Variants in MARK4 observed in about 807,000 individuals in gnomAD.
The protein encoded by MARK4 is microtubule affinity regulating kinase 4, also known as MAP/microtubule affinity-regulating kinase 4.
Under a neutral mutation model 81.5 loss-of-function variants are expected in MARK4, and 19 were observed. The observed-to-expected ratio is 0.23, with a 90% CI of 0.16 to 0.34. MARK4 has a LOEUF of 0.34. Ranked by LOEUF, MARK4 falls within the 10% of genes least tolerant of loss-of-function variation. The pLI, the probability that MARK4 is intolerant of heterozygous loss-of-function variation, is 1.00. For synonymous variants in MARK4, 436 were observed against 439.0 expected, an observed-to-expected ratio of 0.99 and a Z score of 0.08; for missense variants, 772 against 1,058.8, an observed-to-expected ratio of 0.73 and a Z score of 3.76.
chr19:45,273,975 C>T (rs779596231), intron 8 of MARK4, among the ~76,000 whole-genome samples: 3 of 152,230 alleles, frequency 2.0e-5, no homozygotes, highest in African/African-American at 7.2e-5. Context: ...GTGGGCCGGG[C>T]GTGGTGGCTC....
intron 1 of MARK4, among the ~76,000 whole-genome samples, chr19:45,254,666 G>T (rs1970285301): frequency 6.6e-6 from 1 of 152,230 alleles, no homozygotes. Context: ...TGAGGGCACG[G>T]CAGGCAGTGG....
In MARK4 at chr19:45,301,557, C is replaced by CAAAAAAAAAA. The variant is rs10630193; in HGVS notation, c.1923-804_1923-795dup. ...GGGCGACAAGAGCGAAACTCTGTCT[C>CAAAAAAAAAA]AAAAAAAAAAAAAAAAAAAAAAGCC... On this transcript the variant is annotated intron_variant, in intron 16 of 16. Coordinates refer to ENST00000262891, the MANE Select transcript of MARK4 (RefSeq NM_001199867.2). Among the ~76,000 whole-genome samples the CAAAAAAAAAA allele has an allele frequency of 2.4e-4, 12 of 49,514 alleles. 1 individual carries two copies. The highest frequency in any genetic ancestry group is 2.7e-4 in the Non-Finnish European group (8 of 29,420). 32.5% of individuals were successfully genotyped at this position (49,514 alleles called of 152,430 possible).
chr19:45,275,976 C>G (rs984316969), intron 8 of MARK4, among the ~76,000 whole-genome samples: 1 of 152,142 alleles, frequency 6.6e-6, no homozygotes, highest in African/African-American at 2.4e-5. Context: ...GAGTCCTGTT[C>G]ACCCCCAACG....
At position 45,271,699 on chromosome 19, in the gene MARK4, C is replaced by T; in HGVS notation, c.777C>T (p.His259=). The change falls in exon 8 of 17, where the codon CAC becomes CAT. Residue 259 remains histidine, a synonymous_variant. Transcript: ENST00000262891. This position sits in a 1 kb window ranked among gnomAD's most constrained non-coding sequence, Gnocchi z 4.1. ...GCGGCTCCCTGCCCTTCGACGGGCA[C>T]AACCTCAAGGTACCGAGAGGGGCTG... ...LVSGSLPFDG[H]NLKELRERVL... is the part of the protein sequence containing the mutation. The T allele has an allele frequency of 6.2e-7, 1 of 1,613,980 alleles. No individual in the cohort carries two copies. Among genetic ancestry groups the T allele is most frequent in the Non-Finnish European group, 8.5e-7 (1 of 1,179,908 alleles).
intron 7 of MARK4, among the ~76,000 whole-genome samples, chr19:45,266,540 A>G (rs138861665): frequency 2.6e-5 from 4 of 152,026 alleles, no homozygotes; most frequent in Non-Finnish European, 4.4e-5. Flanking sequence ...AAGTGTCCCA[A>G]AATGGCCCTG....
intron 13 of MARK4, among the ~76,000 whole-genome samples, chr19:45,289,690 A>G (rs1970796612): frequency 6.6e-6 from 1 of 151,944 alleles, no homozygotes; most frequent in South Asian, 2.1e-4. Flanking sequence ...GAATTGCTTG[A>G]ACCCAGGAGG....
At chr19:45,261,779 C>A (rs964829292) in intron 2 of MARK4, among the ~76,000 whole-genome samples, 1 of 151,936 alleles carries the variant, frequency 6.6e-6, no homozygotes. Context: ...ACTAAAAATA[C>A]AAAATTAGCC....
chr19:45,292,159 T>A (rs1970828214), intron 13 of MARK4, among the ~76,000 whole-genome samples: 1 of 152,002 alleles, frequency 6.6e-6, no homozygotes, highest in Non-Finnish European at 1.5e-5. Flanking sequence ...GAGGCAGAGC[T>A]GGACATGGTG....
At chr19:45,294,723 T>C (rs1351805408) in intron 14 of MARK4, among the ~76,000 whole-genome samples, 1 of 152,156 alleles carries the variant, frequency 6.6e-6, no homozygotes, top group East Asian at 1.9e-4. Flanking sequence ...ATGATCCATT[T>C]TTAGAACTCG....
rs77646982 is a variant in MARK4, at chr19:45,296,534, C to T, written c.1599-1142C>T. 6.7e-3 allele frequency among the ~76,000 whole-genome samples: 1,019 copies of T among 152,326 alleles called. 14 individuals are homozygous for T. Among genetic ancestry groups the T allele is most frequent in the African/African-American group, 0.022 (931 of 41,570 alleles). ...GTACAGAGCACTTCTGCTTATATCC[C>T]ATTGGCCGGAGCATGGTCACATAAC... On this transcript the variant is annotated intron_variant, in intron 14 of 16. Coordinates refer to ENST00000262891, the MANE Select transcript of MARK4 (RefSeq NM_001199867.2).
chr19:45,273,963 C>G (rs1362593726), intron 8 of MARK4, among the ~76,000 whole-genome samples: 2 of 152,206 alleles, frequency 1.3e-5, no homozygotes, highest in Non-Finnish European at 2.9e-5. Context: ...GGTACCAACC[C>G]TGTGGGCCGG....
intron 16 of MARK4, among the ~76,000 whole-genome samples, chr19:45,300,195 A>G (rs1208410350): frequency 6.6e-6 from 1 of 152,062 alleles, no homozygotes; most frequent in Non-Finnish European, 1.5e-5. Flanking sequence ...AAATACAAAA[A>G]TTAGCCGGGC....
rs2123109061 is a variant in MARK4, at chr19:45,297,660, C to T, written c.1599-16C>T. On this transcript the variant is annotated splice_polypyrimidine_tract_variant and intron_variant, in intron 14 of 16. Transcript: ENST00000262891. Reference sequence around the variant, plus strand: ...GCCTCAGTCCCCCACCCTGACTTGTCTGTCTCTGCCCACAGCTCAGGCACC... The same window carrying T: ...GCCTCAGTCCCCCACCCTGACTTGTTTGTCTCTGCCCACAGCTCAGGCACC... The T allele has an allele frequency of 1.3e-6, 2 of 1,504,932 alleles. No individual in the cohort carries two copies. Among genetic ancestry groups the T allele is most frequent in the East Asian group, 2.3e-5 (1 of 44,022 alleles). 93.2% of individuals were successfully genotyped at this position (1,504,932 alleles called of 1,614,324 possible). A position where few individuals can be genotyped will look rare whatever the true frequency, so the allele number is the denominator to read the frequency against.
At chr19:45,298,077 GTTTCCTCCTCCTCCTCCTCC>G (rs1970914119) in intron 15 of MARK4, 123 bp downstream of exon 15, 6 of 1,426,620 alleles carry the variant, frequency 4.2e-6, no homozygotes, top group South Asian at 1.2e-5. Flanking sequence ...CCTCCTCCTC[GTTTCCTCCTCCTCCTCCTCC>G]TTTCCTCCTC....
chr19:45,305,183 G>C lies in MARK4; in HGVS notation c.*2473G>C, dbSNP rs1971034467. The C allele has an allele frequency of 6.5e-6, 1 of 152,774 alleles. No individual in the cohort carries two copies. The highest frequency in any genetic ancestry group is 1.5e-5 in the Non-Finnish European group (1 of 68,562). The allele number at this position is 152,774 out of a possible 1,614,324, so 9.5% of individuals were successfully genotyped here. ...AACAGGTGTCTGGACTGTGGCTTTGGCTGGCTCAGAAGGTCCCCACTGGCG... is the reference window on the plus strand; with the variant it reads ...AACAGGTGTCTGGACTGTGGCTTTGCCTGGCTCAGAAGGTCCCCACTGGCG... On this transcript the variant is annotated 3_prime_UTR_variant, in exon 17 of 17. Transcript: ENST00000262891.
At chr19:45,274,166 A>G (rs1234620219) in intron 8 of MARK4, among the ~76,000 whole-genome samples, 2 of 151,496 alleles carry the variant, frequency 1.3e-5, no homozygotes, top group Non-Finnish European at 1.5e-5. Context: ...GGAGAATGGC[A>G]TGAACCTGGG....
intron 14 of MARK4, among the ~76,000 whole-genome samples, chr19:45,297,148 A>C (rs1970898058): frequency 6.6e-6 from 1 of 151,682 alleles, no homozygotes; most frequent in African/African-American, 2.4e-5. Flanking sequence ...CAGGAGATGG[A>C]GGTCTGGCCC....
chr19:45,303,088 A>G lies in MARK4; in HGVS notation c.*378A>G, dbSNP rs1331194574. 1 of 248,610 alleles carries G rather than the reference A, an allele frequency of 4.0e-6. No homozygotes were observed. The highest frequency in any genetic ancestry group is 7.8e-6 in the Non-Finnish European group (1 of 128,582). 15.4% of individuals were successfully genotyped at this position (248,610 alleles called of 1,614,324 possible). On this transcript the variant is annotated 3_prime_UTR_variant, in exon 17 of 17. Transcript: ENST00000262891. ...AGGGGCAGGGAGAGCTGCTGAGCCT[A>G]AAGACTGGAGAATCTGGGGGACTGG... is the stretch of plus-strand genomic sequence containing the variant.
At chr19:45,269,715 T>G (rs1198945607) in intron 7 of MARK4, among the ~76,000 whole-genome samples, 1 of 152,228 alleles carries the variant, frequency 6.6e-6, no homozygotes, top group Non-Finnish European at 1.5e-5. Flanking sequence ...AGATTCTAGT[T>G]GTGCTGCTTT....
Sources: allele counts gnomAD v4.1 joint callset (sites outside exome capture counted in the v4.1 genomes callset), GRCh38; gene constraint gnomAD v4.1.1; non-coding constraint Gnocchi (gnomAD v3.1); transcripts MANE v1.5; gene names NCBI Gene and HGNC (gene_info 2026-07-23, HGNC 2026-07-21).